Variants in SPATA13 observed in about 807,000 individuals in gnomAD.
SPATA13 encodes the protein spermatogenesis associated 13.
In SPATA13, 50 loss-of-function variants were observed where a neutral mutation model predicts 104.0. The observed-to-expected ratio is 0.48, with a 90% confidence interval of 0.38 to 0.61. The LOEUF (loss-of-function observed/expected upper bound fraction) is 0.61. SPATA13 is among the 20% of genes least tolerant of loss of function. The probability of loss-of-function intolerance (pLI) is 0.00; values close to 1 mark genes in which losing one functional copy is unlikely to be tolerated. For synonymous variants in SPATA13, 606 were observed against 667.5 expected (o/e 0.91, Z 1.42); for missense variants, 1,524 against 1,690.6 (o/e 0.90, Z 1.73).
chr13:24,181,745 G>C (rs1235806386), intron 1 of SPATA13, among the ~76,000 whole-genome samples: 1 of 139,256 alleles, frequency 7.2e-6, no homozygotes, highest in Non-Finnish European at 1.5e-5. Flanking sequence ...CCTGCCTGAG[G>C]CTGTTTTACA....
rs541890741 is a variant in SPATA13 at position 24,282,403 on chromosome 13, G to A, written c.2165-1732G>A. Among the ~76,000 whole-genome samples, 5 of 152,318 alleles carry A rather than the reference G, an allele frequency of 3.3e-5. No homozygotes were observed. The South Asian group carries it at 8.3e-4, about 25-fold the overall frequency. On this transcript the variant is annotated intron_variant, in intron 4 of 12. Transcript: ENST00000382108. The stretch of plus-strand genomic sequence containing the variant: ...AGCCCATGGAGCACCATCCCAGGGC[G>A]ACCTTCAGCCAGCCCTCTGTCCTTG...
At chr13:24,077,250 G>A (rs1333421948) in intron 3 of SPATA13, among the ~76,000 whole-genome samples, 2 of 120,320 alleles carry the variant, frequency 1.7e-5, no homozygotes, top group Admixed American at 1.1e-4. Flanking sequence ...GCGACAGAGC[G>A]AGACTCCATG....
At chr13:24,038,171 C>T (rs570972237) in intron 3 of SPATA13, among the ~76,000 whole-genome samples, 9 of 152,200 alleles carry the variant, frequency 5.9e-5, no homozygotes, top group Non-Finnish European at 1.0e-4. Flanking sequence ...CCTCGACCTC[C>T]GAAAGTGCTG....
intron 3 of SPATA13, among the ~76,000 whole-genome samples, chr13:24,024,594 G>A (rs569737529): frequency 2.1e-4 from 32 of 151,682 alleles, no homozygotes; most frequent in African/African-American, 7.3e-4. Context: ...CAGCTGGCAC[G>A]CTGCTGCTGA....
chr13:24,099,458 G>A lies in SPATA13; in HGVS notation c.-112+81757G>A, dbSNP rs7988546. Among the ~76,000 whole-genome samples the A allele has an allele frequency of 6.5e-3, 988 of 152,288 alleles. 10 individuals are homozygous for A. The highest frequency in any genetic ancestry group is 0.022 in the African/African-American group (919 of 41,542). On this transcript the variant is annotated intron_variant, in intron 3 of 14. Transcript: ENST00000424834. ...CACATTCCAAGTCGTCAGTGGCCAC[G>A]CACACTAGTGGCCGCCCTGTGGGGC...
intron 1 of SPATA13, among the ~76,000 whole-genome samples, chr13:24,184,472 C>T (rs1869020229): frequency 6.6e-6 from 1 of 152,298 alleles, no homozygotes; most frequent in South Asian, 2.1e-4. Context: ...AAGAGAAAAG[C>T]GTACAATGGA....
At chr13:23,995,182 C>A (rs1257876662) in intron 2 of SPATA13, among the ~76,000 whole-genome samples, 1 of 151,984 alleles carries the variant, frequency 6.6e-6, no homozygotes, top group Non-Finnish European at 1.5e-5. Flanking sequence ...ATCTCATTTG[C>A]TTATGTAACA....
intron 11 of SPATA13, 42 bp downstream of exon 11, chr13:24,297,777 G>T: frequency 6.4e-7 from 1 of 1,566,446 alleles, no homozygotes; most frequent in Non-Finnish European, 8.6e-7. Context: ...GCCTCTGCTT[G>T]CTGTAATAGC....
chr13:24,114,205 G>A (rs1443359729), intron 3 of SPATA13, among the ~76,000 whole-genome samples: 4 of 152,214 alleles, frequency 2.6e-5, no homozygotes, highest in African/African-American at 4.8e-5. Context: ...GAGACTGCCC[G>A]CCAGTTTTTT....
intron 4 of SPATA13, among the ~76,000 whole-genome samples, chr13:24,280,277 G>A (rs572211610): frequency 2.5e-4 from 38 of 152,270 alleles, no homozygotes; most frequent in African/African-American, 9.1e-4. Flanking sequence ...TCCTGTAAAG[G>A]TCTAACTTTT....
intron 3 of SPATA13, among the ~76,000 whole-genome samples, chr13:24,049,295 C>T (rs1878255315): frequency 6.6e-6 from 1 of 152,208 alleles, no homozygotes. Context: ...TATGCCTTTT[C>T]TACATTTGGG....
chr13:24,257,134 T>C (rs995165990), intron 4 of SPATA13, among the ~76,000 whole-genome samples: 1 of 152,228 alleles, frequency 6.6e-6, no homozygotes, highest in African/African-American at 2.4e-5. Flanking sequence ...TTCGAGTGCT[T>C]TTCAGAATTC....
intron 3 of SPATA13, among the ~76,000 whole-genome samples, chr13:24,063,895 A>G (rs974084197): frequency 6.6e-5 from 10 of 152,088 alleles, no homozygotes; most frequent in African/African-American, 1.9e-4. Flanking sequence ...AGGAGACCCC[A>G]GAGATGACTT....
chr13:24,116,780 C>CCG (rs1555262588), intron 3 of SPATA13, among the ~76,000 whole-genome samples: 8 of 150,698 alleles, frequency 5.3e-5, no homozygotes, highest in Non-Finnish European at 8.9e-5. Context: ...CCCCCCCCCC[C>CCG]CAATGTGCTG....
At chr13:24,099,761 A>C (rs1479042769) in intron 3 of SPATA13, among the ~76,000 whole-genome samples, 2 of 152,240 alleles carry the variant, frequency 1.3e-5, no homozygotes, top group Non-Finnish European at 2.9e-5. Context: ...GGGAATGTGC[A>C]GATCACATGG....
chr13:24,150,164 C>T (rs577494996), intron 3 of SPATA13, among the ~76,000 whole-genome samples: 3 of 152,236 alleles, frequency 2.0e-5, no homozygotes, highest in African/African-American at 7.2e-5. Context: ...GACCCTCTGT[C>T]CTGAGACACA....
chr13:24,305,483 C>T lies in SPATA13; in HGVS notation c.*2710C>T, dbSNP rs1349010318. On this transcript the variant is annotated 3_prime_UTR_variant, in exon 13 of 13. Transcript: ENST00000382108. ...GCATGTCTGGCTTGGGTTTTATTAC[C>T]ACATGCCTGAGTTCTTCAAGAATGG... 2 of 152,130 alleles carry T rather than the reference C, an allele frequency of 1.3e-5. No individual in the cohort carries two copies. The highest frequency in any genetic ancestry group is 2.9e-5 in the Non-Finnish European group (2 of 68,028). The allele number at this position is 152,130 out of a possible 1,614,324, so 9.4% of individuals were successfully genotyped here.
intron 3 of SPATA13, among the ~76,000 whole-genome samples, chr13:24,047,768 A>G (rs548542715): frequency 1.3e-5 from 2 of 152,328 alleles, no homozygotes; most frequent in South Asian, 2.1e-4. Flanking sequence ...TAGAATCTGT[A>G]TAGATATATG....
At chr13:23,990,108 C>A (rs1264158307) in intron 2 of SPATA13, among the ~76,000 whole-genome samples, 1 of 152,174 alleles carries the variant, frequency 6.6e-6, no homozygotes, top group African/African-American at 2.4e-5. Flanking sequence ...CCAGTGTGTC[C>A]ACCACCCTGC....
Sources: allele counts gnomAD v4.1 joint callset (sites outside exome capture counted in the v4.1 genomes callset), GRCh38; gene constraint gnomAD v4.1.1; transcripts MANE v1.5; gene names NCBI Gene and HGNC (gene_info 2026-07-23, HGNC 2026-07-21).